The following TTC39C variants were observed in gnomAD, a reference collection of about 807,000 sequenced individuals.
TTC39C encodes tetratricopeptide repeat domain 39C, also known as tetratricopeptide repeat protein 39C.
A neutral mutation model predicts 76.3 loss-of-function variants in TTC39C; 33 were observed. That is an observed-to-expected ratio of 0.43 (90% CI 0.33 to 0.58). TTC39C has a LOEUF of 0.58. Ranked by LOEUF, TTC39C falls within the 20% of genes least tolerant of loss-of-function variation. TTC39C has a pLI of 0.04. For missense variants in TTC39C, 595 were observed against 701.4 expected (o/e 0.85, Z 1.71); for synonymous variants, 254 against 260.6 (o/e 0.97, Z 0.24).
At chr18:24,116,322 C>T (rs1017780977) in intron 7 of TTC39C, among the ~76,000 whole-genome samples, 25 of 152,200 alleles carry the variant, frequency 1.6e-4, no homozygotes, top group Admixed American at 1.6e-3. Context: ...AGGGGCAGAT[C>T]GCCTAAAGCC....
chr18:23,993,728 A>G (rs903057839), intron 1 of TTC39C, among the ~76,000 whole-genome samples: 1 of 152,228 alleles, frequency 6.6e-6, no homozygotes, highest in African/African-American at 2.4e-5. Context: ...ATGCTATTCT[A>G]GATAATTATT....
intron 1 of TTC39C, 95 bp downstream of exon 1, chr18:24,015,133 C>T: frequency 8.4e-7 from 1 of 1,195,850 alleles, no homozygotes; most frequent in Non-Finnish European, 1.1e-6. Flanking sequence ...CCCCCTCCCC[C>T]TCCTGTCGGT....
chr18:24,086,335 T>C (rs1422919745), intron 6 of TTC39C, among the ~76,000 whole-genome samples: 1 of 152,236 alleles, frequency 6.6e-6, no homozygotes, highest in African/African-American at 2.4e-5. Flanking sequence ...ACTGTCTCAA[T>C]CTGTGCCCGT....
chr18:24,034,582 C>T (rs915003575), intron 1 of TTC39C, among the ~76,000 whole-genome samples: 2 of 152,186 alleles, frequency 1.3e-5, no homozygotes, highest in Non-Finnish European at 2.9e-5. Flanking sequence ...GCATCCATCT[C>T]CAGAACTGTT....
At chr18:24,106,002 TTCTC>T (rs1344438192) in intron 6 of TTC39C, among the ~76,000 whole-genome samples, 1 of 152,172 alleles carries the variant, frequency 6.6e-6, no homozygotes, top group Non-Finnish European at 1.5e-5. Context: ...CCGCATGGTG[TTCTC>T]TCTTTGAGCT....
In TTC39C at chr18:23,997,576, GAGAA is replaced by G. The variant is rs373087699; in HGVS notation, c.-17+4554_-17+4557del. ...CAAAAAAAAAAAAAAAAAAAAAAAA[GAGAA>G]AGAAAGAAAGAAAGAGGGAAGGAGG... On this transcript the variant is annotated intron_variant, in intron 1 of 13. Coordinates refer to the TTC39C transcript ENST00000304621. Among the ~76,000 whole-genome samples, 326 of 80,232 alleles carry G rather than the reference GAGAA, an allele frequency of 4.1e-3. 5 individuals carry two copies. Among genetic ancestry groups the G allele is most frequent in the African/African-American group, 0.015 (295 of 19,404 alleles). 52.6% of individuals were successfully genotyped at this position (80,232 alleles called of 152,430 possible).
At chr18:24,009,439 C>A (rs182769015) in intron 1 of TTC39C, among the ~76,000 whole-genome samples, 1 of 152,212 alleles carries the variant, frequency 6.6e-6, no homozygotes, top group African/African-American at 2.4e-5. Flanking sequence ...GACATTCACC[C>A]AAGGCTGCAA....
At chr18:24,128,793 A>G (rs1012430558) in intron 10 of TTC39C, 93 bp from the exon 11 acceptor site, 5 of 1,010,192 alleles carry the variant, frequency 4.9e-6, no homozygotes, top group Non-Finnish European at 7.3e-6. Context: ...AGGCAGAAAC[A>G]TGAACTGAAA....
intron 4 of TTC39C, among the ~76,000 whole-genome samples, chr18:24,076,129 AC>A (rs1231111929): frequency 1.3e-5 from 2 of 152,156 alleles, no homozygotes; most frequent in African/African-American, 4.8e-5. Flanking sequence ...GGCACCTGCC[AC>A]CAAGCCCGGC....
intron 1 of TTC39C, among the ~76,000 whole-genome samples, chr18:24,029,226 C>T (rs2083638774): frequency 1.3e-5 from 2 of 152,288 alleles, no homozygotes; most frequent in Admixed American, 6.5e-5. Flanking sequence ...TCTCAGCCTC[C>T]TGAGTAGCTG....
chr18:24,070,128 T>A (rs953026437), intron 4 of TTC39C, among the ~76,000 whole-genome samples: 1 of 152,210 alleles, frequency 6.6e-6, no homozygotes, highest in African/African-American at 2.4e-5. Context: ...TTTCTCTTGC[T>A]CTTTCTTTGT....
At chr18:24,062,140 A>C (rs907135267) in intron 1 of TTC39C, among the ~76,000 whole-genome samples, 7 of 152,188 alleles carry the variant, frequency 4.6e-5, no homozygotes, top group Non-Finnish European at 7.3e-5. Flanking sequence ...GTGAAGTCGA[A>C]AGGGCCAGGT....
chr18:24,037,493 C>CA (rs1224974849), intron 1 of TTC39C, among the ~76,000 whole-genome samples: 1 of 152,166 alleles, frequency 6.6e-6, no homozygotes, highest in Admixed American at 6.5e-5. Context: ...ATTTATCCCC[C>CA]ATTCTCCAAA....
At chr18:24,049,394 C>T (rs1057105123) in intron 1 of TTC39C, among the ~76,000 whole-genome samples, 1 of 152,352 alleles carries the variant, frequency 6.6e-6, no homozygotes, top group East Asian at 1.9e-4. Context: ...TTTCACCTAT[C>T]TCATAGCCAC....
intron 1 of TTC39C, among the ~76,000 whole-genome samples, chr18:24,017,287 A>G (rs1158524393): frequency 6.6e-6 from 1 of 152,176 alleles, no homozygotes; most frequent in East Asian, 1.9e-4. Context: ...AGGTGTGATC[A>G]TGGACCAGAG....
intron 1 of TTC39C, among the ~76,000 whole-genome samples, chr18:24,052,154 T>G (rs1198883972): frequency 6.6e-6 from 1 of 152,018 alleles, no homozygotes; most frequent in Non-Finnish European, 1.5e-5. Flanking sequence ...TCAAATATGG[T>G]GTTAGGGGGC....
At chr18:24,062,306 G>A (rs762275979) in intron 1 of TTC39C, among the ~76,000 whole-genome samples, 1 of 152,162 alleles carries the variant, frequency 6.6e-6, no homozygotes, top group Non-Finnish European at 1.5e-5. Flanking sequence ...GGAAAAGGAG[G>A]GAAAAGCTGC....
intron 1 of TTC39C, among the ~76,000 whole-genome samples, chr18:24,018,062 A>G (rs1197485754): frequency 6.6e-6 from 1 of 152,214 alleles, no homozygotes; most frequent in African/African-American, 2.4e-5. Flanking sequence ...GCATATAGGA[A>G]TTAGAAATAT....
chr18:24,041,810 A>G (rs542568527), intron 1 of TTC39C, among the ~76,000 whole-genome samples: 28 of 152,334 alleles, frequency 1.8e-4, no homozygotes, highest in African/African-American at 5.8e-4. Flanking sequence ...AAATGTTAAC[A>G]TTTGTAAACA....
Sources: gnomAD v4.1 joint callset for allele counts (sites outside exome capture counted in the v4.1 genomes callset) on GRCh38, gnomAD v4.1.1 for gene constraint, MANE v1.5 for transcripts, NCBI Gene and HGNC (gene_info 2026-07-23, HGNC 2026-07-21) for gene names.